Variants in TNK1 observed in about 807,000 individuals in gnomAD.
The protein encoded by TNK1 is non-receptor tyrosine-protein kinase TNK1.
In TNK1, 53 loss-of-function variants were observed where a neutral mutation model predicts 65.2. The ratio of observed to expected loss-of-function variants is 0.81; its 90% CI spans 0.65 to 1.02. The LOEUF is 1.02. Among genes scored for constraint, TNK1 ranks in the 50% least tolerant of loss-of-function variants. The pLI, the probability that TNK1 is intolerant of heterozygous loss-of-function variation, is 0.00. For missense variants in TNK1, 837 were observed against 878.4 expected (o/e 0.95, Z 0.60); for synonymous variants, 353 against 364.6 (o/e 0.97, Z 0.36).
intron 1 of TNK1, among the ~76,000 whole-genome samples, chr17:7,381,948 G>A (rs903736778): frequency 1.3e-5 from 2 of 152,242 alleles, no homozygotes; most frequent in Admixed American, 6.5e-5. Context: ...TTTTGTGGCC[G>A]CATGCTGAAA....
intron 5 of TNK1, 43 bp from the exon 6 acceptor site, chr17:7,383,927 T>C (rs1156528615): frequency 1.3e-6 from 2 of 1,550,840 alleles, no homozygotes; most frequent in Admixed American, 1.9e-5. Context: ...GCGGCCAGGG[T>C]CCAATGGGTC....
rs1904920282 is a variant in TNK1, at chr17:7,383,091, T to G, written c.163+2T>G. ...ACGGCATTGGCATGGGCCGGCCTGGTGAGGGACCCCTGCCCCGAGGCCCTG... is the reference window on the plus strand; with the variant it reads ...ACGGCATTGGCATGGGCCGGCCTGGGGAGGGACCCCTGCCCCGAGGCCCTG... On this transcript the variant is annotated splice_donor_variant, in intron 2 of 12. Transcript: ENST00000688331. LOFTEE classifies it high-confidence loss of function. 1.2e-6 allele frequency: 2 copies of G among 1,613,796 alleles called. No homozygotes were observed. Among genetic ancestry groups the G allele is most frequent in the Admixed American group, 3.3e-5 (2 of 60,004 alleles).
Position 7,384,591 on chromosome 17 carries a change from C to G in TNK1, c.974C>G (p.Ala325Gly), listed in dbSNP as rs1308848471. The G allele has an allele frequency of 6.2e-7, 1 of 1,612,406 alleles. No individual in the cohort carries two copies. The highest frequency in any genetic ancestry group is 8.5e-7 in the Non-Finnish European group (1 of 1,179,356). ...TTCTCCGGGGGCGAGGAACCCTGGG[C>G]CGGGGTCCCACCGTACCTCATCCTG... ...EMFSGGEEPW[A>G]GVPPYLILQR... Residue 325 changes from alanine (A) to glycine (G), a missense_variant, in exon 7 of 13, where the codon GCC becomes GGC. Ala to Gly is a moderately conservative substitution (Grantham distance 60). Transcript: ENST00000688331.
At chr17:7,384,454 C>T (rs772165586) in intron 6 of TNK1, 30 bp from the exon 7 acceptor site, 7 of 1,498,978 alleles carry the variant, frequency 4.7e-6, no homozygotes, top group Non-Finnish European at 6.3e-6. Flanking sequence ...GCACGTGTCC[C>T]GCCCCTTTCA....
rs1905394082 is a variant in TNK1, at chr17:7,388,939, G to A, written c.1873-32G>A. 1.9e-6 allele frequency: 3 copies of A among 1,556,346 alleles called. No individual in the cohort carries two copies. Among genetic ancestry groups the A allele is most frequent in the African/African-American group, 2.7e-5 (2 of 73,466 alleles). On this transcript the variant is annotated intron_variant, in intron 12 of 12. Transcript: ENST00000688331. This position sits in a 1 kb window ranked among gnomAD's most constrained non-coding sequence, Gnocchi z 4.5. Reference sequence around the variant, plus strand: ...CCTCTCCTGCCCCTGCCGCCTGGCAGTCAGCTGCAACCCACCCTCCTGCTT... The same window carrying A: ...CCTCTCCTGCCCCTGCCGCCTGGCAATCAGCTGCAACCCACCCTCCTGCTT...
chr17:7,384,304 G>A (rs1905046820), intron 6 of TNK1, 51 bp downstream of exon 6: 30 of 1,436,266 alleles, frequency 2.1e-5, no homozygotes, highest in Non-Finnish European at 2.7e-5. Context: ...GGATCCGGAG[G>A]GCAGCAGCCG....
At position 7,389,335 on chromosome 17, in the gene TNK1, CCCACTACATT is replaced by C. The variant is rs1344105686; in HGVS notation, c.*253_*262del. On this transcript the variant is annotated 3_prime_UTR_variant, in exon 13 of 13. Coordinates refer to ENST00000688331, the MANE Select transcript of TNK1 (RefSeq NM_003985.6). ...GCTGGGCCAAGAAGGATCTAGTCTGCCCACTACATTCTCAAACAAGAGGACTTGGAAGAAA... is the reference window on the plus strand; with the variant it reads ...GCTGGGCCAAGAAGGATCTAGTCTGCCTCAAACAAGAGGACTTGGAAGAAA... 3.3e-5 allele frequency: 18 copies of C among 548,516 alleles called. No individual in the cohort carries two copies. The highest frequency in any genetic ancestry group is 2.6e-4 in the East Asian group (9 of 35,132). 34.0% of individuals were successfully genotyped at this position (548,516 alleles called of 1,614,324 possible). A position where few individuals can be genotyped will look rare whatever the true frequency, so the allele number is the denominator to read the frequency against.
intron 7 of TNK1, among the ~76,000 whole-genome samples, chr17:7,385,130 G>A (rs893020091): frequency 5.9e-5 from 9 of 152,044 alleles, no homozygotes; most frequent in East Asian, 1.9e-4. Flanking sequence ...TTTGGGAGGC[G>A]GAGGTGGGCA....
At chr17:7,387,253 A>G in intron 9 of TNK1, 99 bp downstream of exon 9, 1 of 1,505,866 alleles carries the variant, frequency 6.6e-7, no homozygotes, top group Non-Finnish European at 8.9e-7. Context: ...ACCAGAGTGA[A>G]GCTGCAGCCT....
In TNK1 at chr17:7,389,440, CA is replaced by C. The variant is rs1169234224; in HGVS notation, c.*357del. 2.3e-6 allele frequency: 1 copy of C among 434,576 alleles called. No individual in the cohort carries two copies. Among genetic ancestry groups the C allele is most frequent in the Non-Finnish European group, 4.1e-6 (1 of 246,678 alleles). The allele number at this position is 434,576 out of a possible 1,614,324, so 26.9% of individuals were successfully genotyped here. A position where few individuals can be genotyped will look rare whatever the true frequency, so the allele number is the denominator to read the frequency against. ...AGAGGATCAAGGGGCCACACTGGAC[CA>C]TGTGAACAGCCATCCTGAACTGCCA... On this transcript the variant is annotated 3_prime_UTR_variant, in exon 13 of 13. Coordinates refer to ENST00000688331, the MANE Select transcript of TNK1 (RefSeq NM_003985.6).
chr17:7,386,754 G>T (rs578110561), intron 8 of TNK1, 99 bp downstream of exon 8: 341 of 1,202,188 alleles, frequency 2.8e-4, no homozygotes, highest in Non-Finnish European at 1.0e-4. Flanking sequence ...CTTGAACCCT[G>T]ATCTTCTGTC....
At chr17:7,385,538 C>T (rs1272554615) in intron 7 of TNK1, among the ~76,000 whole-genome samples, 1 of 151,748 alleles carries the variant, frequency 6.6e-6, no homozygotes, top group Non-Finnish European at 1.5e-5. Context: ...TCATTTAATG[C>T]TCTCAACCAC....
upstream of TNK1, chr17:7,380,412 T>C (rs1018112354): frequency 6.6e-6 from 1 of 152,208 alleles, no homozygotes; most frequent in Non-Finnish European, 1.5e-5. Flanking sequence ...TAGGTAGCAG[T>C]GTGCAGGGCC....
Position 7,382,882 on chromosome 17 carries a change from AT to A in TNK1, c.-44del. On this transcript the variant is annotated 5_prime_UTR_variant, in exon 2 of 13. Transcript: ENST00000688331. This position sits in a 1 kb window ranked among gnomAD's most constrained non-coding sequence, Gnocchi z 4.1. The stretch of plus-strand genomic sequence containing the variant: ...CTCTAGGGCCTACCCTGAGCTCACC[AT>A]CTGAAGGAGAGTGCCATCATCCTTA... 6.2e-7 allele frequency: 1 copy of A among 1,606,820 alleles called. No individual in the cohort carries two copies. The highest frequency in any genetic ancestry group is 1.7e-5 in the Admixed American group (1 of 59,632).
At chr17:7,381,966 G>GA (rs1904839855) in intron 1 of TNK1, among the ~76,000 whole-genome samples, 2 of 152,250 alleles carry the variant, frequency 1.3e-5, no homozygotes, top group South Asian at 4.1e-4. Context: ...AAATGTCTCA[G>GA]CGTTAAGACG....
intron 10 of TNK1, among the ~76,000 whole-genome samples, chr17:7,387,665 CG>C (rs1905257369): frequency 6.7e-6 from 1 of 149,266 alleles, no homozygotes; most frequent in African/African-American, 2.5e-5. Flanking sequence ...AGTGCAGTAG[CG>C]TGATCTTGGC....
Position 7,383,531 on chromosome 17 carries a change from G to C in TNK1, c.341G>C (p.Gly114Ala). ...EGGLKCLIPE[G>A]AVCRGELLGS... is the part of the protein sequence containing the mutation. ...GGCCTCAAGTGTCTGATCCCAGAGG[G>C]TGCTGTTTGCAGAGGGGAGCTGCTG... Residue 114 changes from glycine (G) to alanine (A), a missense_variant, in exon 4 of 13, where the codon GGT (glycine) becomes GCT (alanine). Transcript: ENST00000688331. The C allele has an allele frequency of 6.2e-7, 1 of 1,613,832 alleles. No homozygotes were observed. Among genetic ancestry groups the C allele is most frequent in the Non-Finnish European group, 8.5e-7 (1 of 1,179,878 alleles).
chr17:7,387,716 T>C (rs2064282403), intron 10 of TNK1, among the ~76,000 whole-genome samples: 1 of 151,942 alleles, frequency 6.6e-6, no homozygotes, highest in Non-Finnish European at 1.5e-5. Context: ...GCGATTCTCC[T>C]GCCTCAGCCT....
Position 7,383,733 on chromosome 17 carries a change from CG to C in TNK1, c.454del (p.Val152Ter). ...GGTCCCAGTGGCTGTCAAGTCCCTC[CG>C]GGTAGGTCCCGAAGGCCCGATGGGC... ...KSVPVAVKSL[R>X]VGPEGPMGTE... On this transcript the variant is annotated frameshift_variant, in exon 5 of 13. Coordinates refer to ENST00000688331, the MANE Select transcript of TNK1 (RefSeq NM_003985.6). LOFTEE classifies it high-confidence loss of function. 1 of 1,612,260 alleles carries C rather than the reference CG, an allele frequency of 6.2e-7. No homozygotes were observed. Among genetic ancestry groups the C allele is most frequent in the Non-Finnish European group, 8.5e-7 (1 of 1,179,192 alleles).
Sources: allele counts gnomAD v4.1 joint callset (sites outside exome capture counted in the v4.1 genomes callset), GRCh38; gene constraint gnomAD v4.1.1; non-coding constraint Gnocchi (gnomAD v3.1); transcripts MANE v1.5; gene names NCBI Gene and HGNC (gene_info 2026-07-23, HGNC 2026-07-21).